ATG2A: variants seen among roughly 807,000 people sequenced by gnomAD.
ATG2A encodes autophagy related 2A.
In ATG2A, 103 loss-of-function variants were observed where a neutral mutation model predicts 214.2. The ratio of observed to expected loss-of-function variants is 0.48; its 90% CI spans 0.41 to 0.57. ATG2A has a LOEUF of 0.57. ATG2A is among the 20% of genes least tolerant of loss of function. The pLI is 0.00. For synonymous variants in ATG2A, 1,160 were observed against 1,142.1 expected, an observed-to-expected ratio of 1.02 and a Z score of -0.32; for missense variants, 2,312 against 2,613.2, an observed-to-expected ratio of 0.88 and a Z score of 2.51.
chr11:64,916,718 T>C (rs562999776), intron 1 of ATG2A, among the ~76,000 whole-genome samples: 1 of 152,236 alleles, frequency 6.6e-6, no homozygotes, highest in Non-Finnish European at 1.5e-5. Context: ...TCCAGACAGG[T>C]GATCTTGCCC....
chr11:64,913,755 G>C lies in ATG2A; in HGVS notation c.590+66C>G. The C allele has an allele frequency of 6.6e-7, 1 of 1,505,382 alleles. No individual in the cohort carries two copies. The highest frequency in any genetic ancestry group is 1.1e-5 in the South Asian group (1 of 88,250). The allele number at this position is 1,505,382 out of a possible 1,614,324, so 93.3% of individuals were successfully genotyped here. A position where few individuals can be genotyped will look rare whatever the true frequency, so the allele number is the denominator to read the frequency against. On this transcript the variant is annotated intron_variant, in intron 4 of 40. Transcript: ENST00000377264. The surrounding 1 kb of genome is among the most constrained non-coding windows in gnomAD (Gnocchi z 4.3). The stretch of plus-strand genomic sequence containing the variant: ...TTCCCAGGAACCTAGGCTGCGGGTG[G>C]GGACCATCCAGCAGCCCCCACTCCC...
rs1565747529 is a variant in ATG2A at position 64,902,434 on chromosome 11, CCCAACCCCAGG to C, written c.3778-59_3778-49del. The stretch of plus-strand genomic sequence containing the variant: ...AATGAGTGAGACAGGACAGAGCTCC[CCCAACCCCAGG>C]CCCGAGGGCCATGGCAGGGGAGGGG... On this transcript the variant is annotated intron_variant, in intron 27 of 40. Coordinates refer to ENST00000377264, the MANE Select transcript of ATG2A (RefSeq NM_015104.3). 36 of 1,529,692 alleles carry C rather than the reference CCCAACCCCAGG, an allele frequency of 2.4e-5. 1 individual carries two copies. The highest frequency in any genetic ancestry group is 3.0e-5 in the Non-Finnish European group (34 of 1,135,482). 94.8% of individuals were successfully genotyped at this position (1,529,692 alleles called of 1,614,324 possible).
rs746176574 is a variant in ATG2A at position 64,902,192 on chromosome 11, C to T, written c.3905-16G>A. 1 of 1,612,708 alleles carries T rather than the reference C, an allele frequency of 6.2e-7. No homozygotes were observed. Among genetic ancestry groups the T allele is most frequent in the Non-Finnish European group, 8.5e-7 (1 of 1,179,980 alleles). ...AGGTGGCCACCTATAGGAGAGAGGCCAGTTTGGAGAGGCGCCCACAGTGGG... is the reference window on the plus strand; with the variant it reads ...AGGTGGCCACCTATAGGAGAGAGGCTAGTTTGGAGAGGCGCCCACAGTGGG... On this transcript the variant is annotated splice_polypyrimidine_tract_variant and intron_variant, in intron 28 of 40. Coordinates refer to ENST00000377264, the MANE Select transcript of ATG2A (RefSeq NM_015104.3).
Position 64,902,503 on chromosome 11 carries a change from G to A in ATG2A, c.3777+13C>T, listed in dbSNP as rs1344023761. 1.3e-6 allele frequency: 2 copies of A among 1,540,862 alleles called. No homozygotes were observed. The highest frequency in any genetic ancestry group is 1.4e-5 in the African/African-American group (1 of 72,800). On this transcript the variant is annotated intron_variant, in intron 27 of 40. Coordinates refer to ENST00000377264, the MANE Select transcript of ATG2A (RefSeq NM_015104.3). ...GAGCTCTGGTAGCCTGTGTGGCCAGGCCTCACCTGTACCTTCTGGCCGGCG... is the reference window on the plus strand; with the variant it reads ...GAGCTCTGGTAGCCTGTGTGGCCAGACCTCACCTGTACCTTCTGGCCGGCG...
Position 64,914,233 on chromosome 11 carries a change from G to A in ATG2A, c.335C>T (p.Ala112Val), listed in dbSNP as rs762582484. The A allele has an allele frequency of 3.9e-5, 61 of 1,551,098 alleles. No individual in the cohort carries two copies. Among genetic ancestry groups the A allele is most frequent in the South Asian group, 7.1e-5 (6 of 84,080 alleles). ...GCTCTGTGAGTCGGCAGCCCCTGGC[G>A]CTGTAGGGAGAAACAGGGTCTCAAG... is the stretch of plus-strand genomic sequence containing the variant. ...QLTLQPRRGP[A>V]PGAADSQSWA... The change falls in exon 3 of 41, where the codon GCG becomes GTG. Residue 112 changes from alanine to valine, a missense_variant and splice_region_variant. Coordinates refer to ENST00000377264, the MANE Select transcript of ATG2A (RefSeq NM_015104.3).
In ATG2A at chr11:64,913,614, G is replaced by A; in HGVS notation, c.590+207C>T. ...CTCAGCATCTAACTTGGTTCTTGGGGCCTCGGCCACTCTGGGCCTGTATCA... is the reference window on the plus strand; with the variant it reads ...CTCAGCATCTAACTTGGTTCTTGGGACCTCGGCCACTCTGGGCCTGTATCA... On this transcript the variant is annotated intron_variant, in intron 4 of 40. Transcript: ENST00000377264. The surrounding 1 kb of genome is among the most constrained non-coding windows in gnomAD (Gnocchi z 4.3). 1 of 807,034 alleles carries A rather than the reference G, an allele frequency of 1.2e-6. No homozygotes were observed. Among genetic ancestry groups the A allele is most frequent in the Admixed American group, 2.9e-5 (1 of 34,600 alleles). The allele number at this position is 807,034 out of a possible 1,614,324, so 50.0% of individuals were successfully genotyped here.
At chr11:64,908,023 G>T in intron 16 of ATG2A, 133 bp from the exon 17 acceptor site, 1 of 1,080,950 alleles carries the variant, frequency 9.3e-7, no homozygotes, top group African/African-American at 1.6e-5. Context: ...TACTGGGGAT[G>T]CATGATAGCC....
intron 29 of ATG2A, 90 bp from the exon 30 acceptor site, chr11:64,901,182 A>ATTTT: frequency 7.2e-6 from 8 of 1,117,124 alleles, no homozygotes; most frequent in Non-Finnish European, 9.9e-6. Flanking sequence ...CTTCTTTTTC[A>ATTTT]TTTTTTTTTT....
chr11:64,907,303 T>C lies in ATG2A; in HGVS notation c.2784A>G (p.Thr928=). The C allele has an allele frequency of 6.4e-7, 1 of 1,550,892 alleles. No individual in the cohort carries two copies. Among genetic ancestry groups the C allele is most frequent in the Non-Finnish European group, 8.7e-7 (1 of 1,147,082 alleles). Residue 928 remains threonine (T), a synonymous_variant, in exon 19 of 41, where the codon ACA becomes ACG. Coordinates refer to ENST00000377264, the MANE Select transcript of ATG2A (RefSeq NM_015104.3). The part of the protein sequence containing the change: ...PSLHLQSTFS[T]LVTVLKGRIT... The stretch of plus-strand genomic sequence containing the variant: ...TCCGCCCCTTCAGCACTGTCACCAG[T>C]GTAGAGAAGGTGCTCTGCAAGTGAA...
intron 31 of ATG2A, 30 bp downstream of exon 31, chr11:64,900,464 C>A (rs548497983): frequency 1.9e-6 from 3 of 1,612,648 alleles, no homozygotes; most frequent in Non-Finnish European, 1.7e-6. Context: ...ATGACACACA[C>A]GTGTAGTAGG....
chr11:64,909,496 A>G lies in ATG2A; in HGVS notation c.2108-129T>C, dbSNP rs1944681367. 3 of 1,397,388 alleles carry G rather than the reference A, an allele frequency of 2.1e-6. No individual in the cohort carries two copies. In the Admixed American group the frequency reaches 5.8e-5, roughly 27 times the overall value. 86.6% of individuals were successfully genotyped at this position (1,397,388 alleles called of 1,614,324 possible). ...CCTTGGTGGGCAGAGAAAGCCAGAG[A>G]CAAAGGGTCCACCCTACTTGTCGGT... On this transcript the variant is annotated intron_variant, in intron 14 of 40. Transcript: ENST00000377264.
chr11:64,912,999 TG>T, intron 6 of ATG2A, 38 bp downstream of exon 6: 3 of 1,403,208 alleles, frequency 2.1e-6, no homozygotes, highest in East Asian at 2.5e-5. Flanking sequence ...AGTCTTGAGA[TG>T]GGGTACTCAC....
At position 64,898,341 on chromosome 11, in the gene ATG2A, C is replaced by T. The variant is rs1944230025; in HGVS notation, c.4693G>A (p.Val1565Met). Residue 1565 changes from valine (V) to methionine (M), a missense_variant, in exon 33 of 41, where the codon GTG becomes ATG. Coordinates refer to ENST00000377264, the MANE Select transcript of ATG2A (RefSeq NM_015104.3). The surrounding 1 kb of genome is among the most constrained non-coding windows in gnomAD (Gnocchi z 4.5). ...CCACCCAGGTTGGTAGTGGGGGCCACATGCAGCGCTTTGATGGTGAGCTGG... is the reference window on the plus strand; with the variant it reads ...CCACCCAGGTTGGTAGTGGGGGCCATATGCAGCGCTTTGATGGTGAGCTGG... ...SNMLTIKALH[V>M]APTTNLGGPE... 2 of 1,607,074 alleles carry T rather than the reference C, an allele frequency of 1.2e-6. No individual in the cohort carries two copies. Among genetic ancestry groups the T allele is most frequent in the Non-Finnish European group, 1.7e-6 (2 of 1,177,818 alleles).
Position 64,913,336 on chromosome 11 carries a change from G to A in ATG2A, c.656C>T (p.Pro219Leu), listed in dbSNP as rs769168077. The stretch of plus-strand genomic sequence containing the variant: ...CAGCAGCTTGTGCAGGAAGGCAGGC[G>A]GCTGATGCACGTCCACCGGCGGCGC... Reference protein sequence around the residue: ...SQAPPVDVHQPPAFLHKLLQL... With the variant: ...SQAPPVDVHQLPAFLHKLLQL... Residue 219 changes from proline to leucine, a missense_variant, in exon 5 of 41, where the codon CCG (proline) becomes CTG (leucine). Physicochemically the swap from Pro to Leu is moderately conservative, Grantham distance 98. Transcript: ENST00000377264. This position sits in a 1 kb window ranked among gnomAD's most constrained non-coding sequence, Gnocchi z 4.3. 6.0e-5 allele frequency: 97 copies of A among 1,606,716 alleles called. No homozygotes were observed. The highest frequency in any genetic ancestry group is 1.5e-4 in the Admixed American group (9 of 59,142).
chr11:64,911,082 G>A lies in ATG2A; in HGVS notation c.1422C>T (p.His474=). The part of the protein sequence containing the change: ...DGPFGSRDFH[H]LRPRFQRACP... ...AGGCCCTCTGGAAGCGTGGTCGAAGGTGATGGAAGTCTCGGGAACCGAAGG... is the reference window on the plus strand; with the variant it reads ...AGGCCCTCTGGAAGCGTGGTCGAAGATGATGGAAGTCTCGGGAACCGAAGG... Residue 474 remains histidine, a synonymous_variant, in exon 10 of 41, where the codon CAC becomes CAT. Coordinates refer to ENST00000377264, the MANE Select transcript of ATG2A (RefSeq NM_015104.3). 6.2e-7 allele frequency: 1 copy of A among 1,614,052 alleles called. No individual in the cohort carries two copies. The highest frequency in any genetic ancestry group is 2.2e-5 in the East Asian group (1 of 44,880).
chr11:64,898,837 G>A lies in ATG2A; in HGVS notation c.4470C>T (p.Ser1490=), dbSNP rs1944252088. 6.2e-7 allele frequency: 1 copy of A among 1,608,636 alleles called. No individual in the cohort carries two copies. The highest frequency in any genetic ancestry group is 8.5e-7 in the Non-Finnish European group (1 of 1,179,776). ...CCGCTGGGTACACCTCGTGCTGGAA[G>A]CTTACCTGTGGGGTGGACAGAGGCC... is the stretch of plus-strand genomic sequence containing the variant. ...VLMEIQLSKV[S]FQHEVYPAEP... Residue 1490 remains serine (S), a synonymous_variant, in exon 32 of 41, where the codon AGC becomes AGT. Coordinates refer to ENST00000377264, the MANE Select transcript of ATG2A (RefSeq NM_015104.3). The surrounding 1 kb of genome is among the most constrained non-coding windows in gnomAD (Gnocchi z 4.5).
Position 64,913,379 on chromosome 11 carries a change from C to G in ATG2A, c.613G>C (p.Val205Leu). ...VQRLEYCDEA[V>L]RDPSQAPPVD... Reference sequence around the variant, plus strand: ...GGCGGCGCCTGGCTTGGGTCCCGCACTGCCTCATCACAGTACTCCAGTCTG... The same window carrying G: ...GGCGGCGCCTGGCTTGGGTCCCGCAGTGCCTCATCACAGTACTCCAGTCTG... Residue 205 changes from valine to leucine, a missense_variant, in exon 5 of 41, where the codon GTG (valine) becomes CTG (leucine). Physicochemically the swap from Val to Leu is conservative, Grantham distance 32. Coordinates refer to ENST00000377264, the MANE Select transcript of ATG2A (RefSeq NM_015104.3). The surrounding 1 kb of genome is among the most constrained non-coding windows in gnomAD (Gnocchi z 4.3). The G allele has an allele frequency of 6.3e-7, 1 of 1,596,278 alleles. No homozygotes were observed. The highest frequency in any genetic ancestry group is 8.5e-7 in the Non-Finnish European group (1 of 1,172,682).
rs990465197 is a variant in ATG2A, at chr11:64,898,948, C to G, written c.4465-106G>C. On this transcript the variant is annotated intron_variant, in intron 31 of 40. Transcript: ENST00000377264. The surrounding 1 kb of genome is among the most constrained non-coding windows in gnomAD (Gnocchi z 4.5). Reference sequence around the variant, plus strand: ...TCTTTTTTTGAGACAGAGTCTCACTCTGTCGCCCAGGTTGGAGTGCAGTGG... The same window carrying G: ...TCTTTTTTTGAGACAGAGTCTCACTGTGTCGCCCAGGTTGGAGTGCAGTGG... The G allele has an allele frequency of 2.7e-6, 3 of 1,131,906 alleles. No homozygotes were observed. The highest frequency in any genetic ancestry group is 3.8e-6 in the Non-Finnish European group (3 of 799,696). 70.1% of individuals were successfully genotyped at this position (1,131,906 alleles called of 1,614,324 possible). A position where few individuals can be genotyped will look rare whatever the true frequency, so the allele number is the denominator to read the frequency against.
chr11:64,913,368 T>C lies in ATG2A; in HGVS notation c.624A>G (p.Pro208=). Residue 208 remains proline (P), a synonymous_variant, in exon 5 of 41, where the codon CCA becomes CCG. Coordinates refer to ENST00000377264, the MANE Select transcript of ATG2A (RefSeq NM_015104.3). This position sits in a 1 kb window ranked among gnomAD's most constrained non-coding sequence, Gnocchi z 4.3. ...GCACGTCCACCGGCGGCGCCTGGCT[T>C]GGGTCCCGCACTGCCTCATCACAGT... The part of the protein sequence containing the change: ...LEYCDEAVRD[P]SQAPPVDVHQ... The C allele has an allele frequency of 2.5e-6, 4 of 1,598,860 alleles. No individual in the cohort carries two copies. Among genetic ancestry groups the C allele is most frequent in the Non-Finnish European group, 1.7e-6 (2 of 1,174,160 alleles).
Sources: allele counts gnomAD v4.1 joint callset (sites outside exome capture counted in the v4.1 genomes callset), GRCh38; gene constraint gnomAD v4.1.1; non-coding constraint Gnocchi (gnomAD v3.1); transcripts MANE v1.5; gene names NCBI Gene and HGNC (gene_info 2026-07-23, HGNC 2026-07-21).